The following SYNE1 variants were observed in gnomAD, a reference collection of about 807,000 sequenced individuals.
The protein encoded by SYNE1 is nesprin-1.
A neutral mutation model predicts 1,111.0 loss-of-function variants in SYNE1; 616 were observed. The ratio of observed to expected loss-of-function variants is 0.55; its 90% CI spans 0.52 to 0.59. The LOEUF is 0.59. Among genes scored for constraint, SYNE1 ranks in the 20% least tolerant of loss-of-function variants. SYNE1 has a pLI of 0.00. For synonymous variants in SYNE1, 3,855 were observed against 3,825.8 expected, an observed-to-expected ratio of 1.01 and a Z score of -0.28; for missense variants, 10,006 against 10,417.0, an observed-to-expected ratio of 0.96 and a Z score of 1.72.
chr6:152,139,729 G>GAA (rs141985419), intron 140 of SYNE1, among the ~76,000 whole-genome samples: 791 of 63,526 alleles, frequency 0.012, 4 homozygotes, highest in Middle Eastern at 0.058. Flanking sequence ...AAGAAAGAAA[G>GAA]AAAGAAAGAA....
chr6:152,201,685 G>A (rs2075480149), intron 127 of SYNE1, 139 bp downstream of exon 127: 1 of 1,223,986 alleles, frequency 8.2e-7, no homozygotes, highest in Non-Finnish European at 1.2e-6. Context: ...AGTTTCACCT[G>A]AGTTGCCTGT....
At chr6:152,602,791 AAAAG>A (rs1450299562) in intron 3 of SYNE1, among the ~76,000 whole-genome samples, 1 of 152,166 alleles carries the variant, frequency 6.6e-6, no homozygotes. Flanking sequence ...AAAGAAGGAA[AAAAG>A]AAAGAAAAAA....
chr6:152,409,364 A>C (rs2097969469), intron 43 of SYNE1, 138 bp from the exon 44 acceptor site: 1 of 1,048,870 alleles, frequency 9.5e-7, no homozygotes, highest in East Asian at 2.6e-5. Flanking sequence ...AACTATATGA[A>C]TATATATAAC....
chr6:152,127,482 G>A (rs1457256870), intron 145 of SYNE1: 3 of 152,122 alleles, frequency 2.0e-5, no homozygotes, highest in Non-Finnish European at 2.9e-5. Flanking sequence ...AGGGTGTGCC[G>A]ACTCATACCC....
intron 91 of SYNE1, among the ~76,000 whole-genome samples, chr6:152,305,484 C>T (rs2095344178): frequency 6.6e-6 from 1 of 152,100 alleles, no homozygotes; most frequent in South Asian, 2.1e-4. Context: ...AGGCTGGTCT[C>T]AAACTCCTGA....
rs114020025 is a variant in SYNE1 at position 152,551,921 on chromosome 6, T to C, written c.68-11900A>G. Among the ~76,000 whole-genome samples the C allele has an allele frequency of 8.8e-4, 134 of 152,350 alleles. 2 individuals carry two copies. Among genetic ancestry groups the C allele is most frequent in the African/African-American group, 3.1e-3 (131 of 41,588 alleles). On this transcript the variant is annotated intron_variant, in intron 3 of 145. Coordinates refer to ENST00000367255, the MANE Select transcript of SYNE1 (RefSeq NM_182961.4). Reference sequence around the variant, plus strand: ...GTAGCCAGCTCCCTCCTGTAAAATGTGGCGTCTCCTGCTTTTGCAAGAAAG... The same window carrying C: ...GTAGCCAGCTCCCTCCTGTAAAATGCGGCGTCTCCTGCTTTTGCAAGAAAG...
Position 152,603,810 on chromosome 6 carries a change from G to T in SYNE1, c.67+24455C>A, listed in dbSNP as rs553696050. Among the ~76,000 whole-genome samples, 28 of 99,446 alleles carry T rather than the reference G, an allele frequency of 2.8e-4. 1 individual carries two copies. The South Asian group carries it at 5.2e-3, about 19-fold the overall frequency. The allele number at this position is 99,446 out of a possible 152,430, so 65.2% of individuals were successfully genotyped here. On this transcript the variant is annotated intron_variant, in intron 3 of 145. Transcript: ENST00000367255. ...TATTTATTTTATATACATATATAGA[G>T]AGTATATATATATATAGATATACTA...
Position 152,236,267 on chromosome 6 carries a change from A to AT in SYNE1, c.20235dup (p.Leu6746IlefsTer7). On this transcript the variant is annotated frameshift_variant, in exon 110 of 146. Transcript: ENST00000367255. LOFTEE classifies it high-confidence loss of function. ...TTCCCATCATCTAATACTTGATATA[A>AT]TTTGGGCTGGTATTCATTAAGGCTA... is the stretch of plus-strand genomic sequence containing the variant. 6.2e-7 allele frequency: 1 copy of AT among 1,614,042 alleles called. No homozygotes were observed. Among genetic ancestry groups the AT allele is most frequent in the Non-Finnish European group, 8.5e-7 (1 of 1,179,954 alleles).
At chr6:152,432,932 G>T (rs2098441240) in intron 34 of SYNE1, among the ~76,000 whole-genome samples, 1 of 152,114 alleles carries the variant, frequency 6.6e-6, no homozygotes, top group Non-Finnish European at 1.5e-5. Context: ...AAGCAAGGAT[G>T]ATCTGCACAG....
At chr6:152,371,116 T>G (rs1484651293) in intron 59 of SYNE1, among the ~76,000 whole-genome samples, 2 of 152,188 alleles carry the variant, frequency 1.3e-5, no homozygotes, top group Non-Finnish European at 2.9e-5. Flanking sequence ...TGTTTCCATC[T>G]TCCTGTTACT....
chr6:152,232,356 A>C, intron 112 of SYNE1, 91 bp from the exon 113 acceptor site: 1 of 1,395,700 alleles, frequency 7.2e-7, no homozygotes, highest in Non-Finnish European at 1.0e-6. Flanking sequence ...ATTCTTAAAA[A>C]TGTACCAAGA....
chr6:152,311,959 AT>A (rs1589816367), intron 87 of SYNE1, among the ~76,000 whole-genome samples: 2 of 151,686 alleles, frequency 1.3e-5, no homozygotes, highest in Non-Finnish European at 2.9e-5. Flanking sequence ...AATTTTTTGT[AT>A]TTTTTAGCAG....
intron 3 of SYNE1, among the ~76,000 whole-genome samples, chr6:152,574,818 G>T (rs919552528): frequency 5.3e-5 from 8 of 152,104 alleles, no homozygotes; most frequent in African/African-American, 1.7e-4. Flanking sequence ...CTTGGGACAG[G>T]CACCATTCAG....
intron 137 of SYNE1, chr6:152,145,661 T>C (rs2059350542): frequency 2.1e-6 from 2 of 966,038 alleles, no homozygotes; most frequent in Non-Finnish European, 3.3e-6. Context: ...TCAGTTATTC[T>C]AGACACATAG....
At chr6:152,492,641 TCTGA>T (rs1252094202) in intron 11 of SYNE1, among the ~76,000 whole-genome samples, 2 of 152,214 alleles carry the variant, frequency 1.3e-5, no homozygotes, top group Non-Finnish European at 2.9e-5. Context: ...CCCAAGGCTC[TCTGA>T]CTGACTCCTT....
chr6:152,131,542 C>T (rs1354316885), intron 144 of SYNE1, among the ~76,000 whole-genome samples: 2 of 152,094 alleles, frequency 1.3e-5, no homozygotes, highest in East Asian at 1.9e-4. Context: ...TAGCAGGGGC[C>T]GAATTTGTCC....
intron 126 of SYNE1, among the ~76,000 whole-genome samples, chr6:152,204,494 A>C (rs1163068095): frequency 2.6e-5 from 4 of 152,210 alleles, no homozygotes; most frequent in Non-Finnish European, 4.4e-5. Flanking sequence ...TAATGCCTAT[A>C]TTTGGCATAC....
chr6:152,293,549 T>TA, intron 95 of SYNE1, 39 bp downstream of exon 95: 2 of 1,612,384 alleles, frequency 1.2e-6, no homozygotes, highest in African/African-American at 2.7e-5. Flanking sequence ...CAGTGCCTTA[T>TA]TCAATCAAGT....
At chr6:152,329,594 C>G (rs2096193812) in intron 78 of SYNE1, 136 bp downstream of exon 78, 3 of 1,148,968 alleles carry the variant, frequency 2.6e-6, no homozygotes, top group Non-Finnish European at 3.8e-6. Context: ...ATTTAAGTCA[C>G]TGCTGAAGAT....
Sources: allele counts gnomAD v4.1 joint callset (sites outside exome capture counted in the v4.1 genomes callset), GRCh38; gene constraint gnomAD v4.1.1; transcripts MANE v1.5; gene names NCBI Gene and HGNC (gene_info 2026-07-23, HGNC 2026-07-21).